The following ROBO1 variants were observed in gnomAD, a reference collection of about 807,000 sequenced individuals.
ROBO1 encodes the protein roundabout guidance receptor 1.
Under a neutral mutation model 195.9 loss-of-function variants are expected in ROBO1, and 149 were observed. That is an observed-to-expected ratio of 0.76 (90% CI 0.67 to 0.87). ROBO1 has a LOEUF of 0.87. ROBO1 is among the 40% of genes least tolerant of loss of function. ROBO1 has a pLI of 0.00. For missense variants in ROBO1, 1,933 were observed against 2,068.3 expected (o/e 0.93, Z 1.27); for synonymous variants, 816 against 733.2 (o/e 1.11, Z -1.82).
intron 2 of ROBO1, among the ~76,000 whole-genome samples, chr3:79,213,375 T>A (rs544205202): frequency 6.6e-6 from 1 of 152,334 alleles, no homozygotes; most frequent in African/African-American, 2.4e-5. Context: ...ATTTAGCACA[T>A]TTATTTTTAC....
intron 2 of ROBO1, among the ~76,000 whole-genome samples, chr3:79,353,893 A>C (rs1192731803): frequency 6.6e-6 from 1 of 151,998 alleles, no homozygotes; most frequent in African/African-American, 2.4e-5. Flanking sequence ...AAAAATACAA[A>C]AATTAGCCAG....
intron 2 of ROBO1, among the ~76,000 whole-genome samples, chr3:79,338,938 A>T (rs1474280835): frequency 3.9e-5 from 6 of 152,182 alleles, no homozygotes; most frequent in Admixed American, 3.9e-4. Context: ...TTGATTTTAC[A>T]TCCCTCCAGC....
At position 79,480,619 on chromosome 3, in the gene ROBO1, T is replaced by G. The variant is rs757546733; in HGVS notation, c.88+109205A>C. On this transcript the variant is annotated intron_variant, in intron 2 of 30. Transcript: ENST00000464233. The stretch of plus-strand genomic sequence containing the variant: ...AAATATACAAAAGAATTTGTGTGTA[T>G]GTGTGTGTGTGTGCCCATGTTGTTG... Among the ~76,000 whole-genome samples the G allele has an allele frequency of 6.8e-4, 103 of 152,002 alleles. 1 individual carries two copies. Among genetic ancestry groups the G allele is most frequent in the Non-Finnish European group, 1.3e-3 (89 of 67,912 alleles).
intron 28 of ROBO1, among the ~76,000 whole-genome samples, chr3:78,609,836 T>G (rs1703700979): frequency 1.3e-5 from 2 of 152,216 alleles, no homozygotes; most frequent in African/African-American, 4.8e-5. Flanking sequence ...ACCTAGTATT[T>G]CTCATAATTA....
intron 1 of ROBO1, among the ~76,000 whole-genome samples, chr3:79,639,188 C>T (rs1007763467): frequency 1.3e-5 from 2 of 152,066 alleles, no homozygotes; most frequent in African/African-American, 2.4e-5. Flanking sequence ...TAGAATACAC[C>T]ATCACATGAT....
At chr3:79,653,418 C>A in intron 1 of ROBO1, among the ~76,000 whole-genome samples, 1 of 151,938 alleles carries the variant, frequency 6.6e-6, no homozygotes, top group Non-Finnish European at 1.5e-5. Flanking sequence ...TCATATTTCA[C>A]TGCCTTTTAC....
chr3:78,703,456 G>A (rs544118748), intron 8 of ROBO1, among the ~76,000 whole-genome samples: 41 of 152,226 alleles, frequency 2.7e-4, no homozygotes, highest in African/African-American at 9.6e-4. Context: ...TGGCAGTACT[G>A]ATTCTTCAAA....
intron 2 of ROBO1, among the ~76,000 whole-genome samples, chr3:79,242,062 G>C (rs888986757): frequency 1.3e-5 from 2 of 151,388 alleles, no homozygotes; most frequent in African/African-American, 4.9e-5. Context: ...ACCTTGTATC[G>C]TGGCCTTAAA....
At chr3:79,618,004 G>C (rs968714130) in intron 1 of ROBO1, among the ~76,000 whole-genome samples, 2 of 151,108 alleles carry the variant, frequency 1.3e-5, no homozygotes, top group Non-Finnish European at 3.0e-5. Flanking sequence ...AACTAGGTTA[G>C]ATCAAACAGA....
chr3:79,332,150 GA>G (rs1350093101), intron 2 of ROBO1, among the ~76,000 whole-genome samples: 174 of 94,254 alleles, frequency 1.8e-3, no homozygotes, highest in East Asian at 4.3e-3. Context: ...CTCAAAAAAA[GA>G]AAAAAAAAAA....
intron 2 of ROBO1, among the ~76,000 whole-genome samples, chr3:79,449,308 C>A (rs1038314199): frequency 6.6e-6 from 1 of 150,824 alleles, no homozygotes; most frequent in Non-Finnish European, 1.5e-5. Flanking sequence ...AAATAGCAAA[C>A]CTCCTGCATT....
intron 4 of ROBO1, among the ~76,000 whole-genome samples, chr3:78,885,994 A>G (rs1446685281): frequency 6.8e-6 from 1 of 147,402 alleles, no homozygotes; most frequent in East Asian, 2.0e-4. Context: ...GAATAATATT[A>G]CCTATACATG....
At chr3:79,563,644 A>G (rs1477232445) in intron 2 of ROBO1, among the ~76,000 whole-genome samples, 1 of 152,216 alleles carries the variant, frequency 6.6e-6, no homozygotes, top group African/African-American at 2.4e-5. Context: ...GATAAAACCT[A>G]AAGATCAGTG....
At chr3:78,647,541 G>A in intron 20 of ROBO1, 88 bp downstream of exon 20, 1 of 1,266,540 alleles carries the variant, frequency 7.9e-7, no homozygotes, top group East Asian at 2.3e-5. Context: ...CCAACTTACT[G>A]CAGAAAATGA....
intron 4 of ROBO1, among the ~76,000 whole-genome samples, chr3:78,929,479 C>CATTT (rs35081123): frequency 0.16 from 23,446 of 144,224 alleles, 2,238 homozygotes; most frequent in East Asian, 0.24. Context: ...TTTCCAGTAT[C>CATTT]ATTTATTTAT....
At chr3:79,306,506 C>T (rs1214729545) in intron 2 of ROBO1, among the ~76,000 whole-genome samples, 2 of 152,192 alleles carry the variant, frequency 1.3e-5, no homozygotes, top group African/African-American at 4.8e-5. Context: ...CAATCTTTTC[C>T]GTTTTTTTGT....
At chr3:79,601,010 C>T (rs967748389) in intron 1 of ROBO1, among the ~76,000 whole-genome samples, 6 of 151,912 alleles carry the variant, frequency 3.9e-5, no homozygotes, top group South Asian at 2.1e-4. Context: ...AAGTTACAAG[C>T]GGTGGTAATT....
At chr3:79,692,286 C>T (rs1340930278) in intron 1 of ROBO1, among the ~76,000 whole-genome samples, 2 of 151,736 alleles carry the variant, frequency 1.3e-5, no homozygotes, top group African/African-American at 4.8e-5. Context: ...CTTTATAGGA[C>T]CATGTTTATC....
chr3:79,060,291 C>G (rs370278768), intron 3 of ROBO1, among the ~76,000 whole-genome samples: 19 of 152,032 alleles, frequency 1.2e-4, no homozygotes, highest in East Asian at 3.9e-4. Context: ...TCTAGTTTCA[C>G]TCTGGTCATG....
Sources: allele counts gnomAD v4.1 joint callset (sites outside exome capture counted in the v4.1 genomes callset), GRCh38; gene constraint gnomAD v4.1.1; transcripts MANE v1.5; gene names NCBI Gene and HGNC (gene_info 2026-07-23, HGNC 2026-07-21).